The following SLC38A1 variants were observed in gnomAD, a reference collection of about 807,000 sequenced individuals.
The protein encoded by SLC38A1 is solute carrier family 38 member 1, also known as sodium-coupled neutral amino acid symporter 1.
In SLC38A1, 18 loss-of-function variants were observed where a neutral mutation model predicts 60.3. That is an observed-to-expected ratio of 0.30 (90% CI 0.21 to 0.44). SLC38A1 has a LOEUF of 0.44. Ranked by LOEUF, SLC38A1 falls within the 20% of genes least tolerant of loss-of-function variation. The pLI is 1.00. For missense variants in SLC38A1, 448 were observed against 587.2 expected, an observed-to-expected ratio of 0.76 and a Z score of 2.45; for synonymous variants, 196 against 212.1, an observed-to-expected ratio of 0.92 and a Z score of 0.66.
At chr12:46,260,124 G>T (rs576015495) in intron 1 of SLC38A1, among the ~76,000 whole-genome samples, 1 of 152,212 alleles carries the variant, frequency 6.6e-6, no homozygotes, top group Non-Finnish European at 1.5e-5. Flanking sequence ...CCCGGGTTTT[G>T]TAAATTATTG....
At chr12:46,230,436 G>T (rs897003896) in intron 3 of SLC38A1, among the ~76,000 whole-genome samples, 3 of 152,174 alleles carry the variant, frequency 2.0e-5, no homozygotes, top group African/African-American at 7.2e-5. Flanking sequence ...CTGAGGGCCT[G>T]AGCATGCTAC....
At chr12:46,202,166 TG>T (rs1939688585) in intron 12 of SLC38A1, among the ~76,000 whole-genome samples, 2 of 147,194 alleles carry the variant, frequency 1.4e-5, no homozygotes, top group Non-Finnish European at 1.5e-5. Flanking sequence ...CACTACAGCC[TG>T]GGTGACAGAG....
intron 16 of SLC38A1, among the ~76,000 whole-genome samples, chr12:46,190,718 A>G (rs374375779): frequency 6.6e-6 from 1 of 152,022 alleles, no homozygotes; most frequent in African/African-American, 2.4e-5. Context: ...GTGTCTGTTG[A>G]CTGCATAAAT....
intron 1 of SLC38A1, among the ~76,000 whole-genome samples, chr12:46,247,117 G>A (rs567181607): frequency 1.7e-3 from 266 of 152,256 alleles, no homozygotes; most frequent in Non-Finnish European, 2.7e-3. Context: ...AAACCAGAGC[G>A]CCTCTTCTCC....
intron 16 of SLC38A1, among the ~76,000 whole-genome samples, chr12:46,191,632 T>C (rs1477651677): frequency 6.6e-6 from 1 of 152,208 alleles, no homozygotes; most frequent in African/African-American, 2.4e-5. Context: ...GTAGTTCTCC[T>C]TGAAGAGGTC....
intron 2 of SLC38A1, among the ~76,000 whole-genome samples, chr12:46,241,962 C>A (rs75679884): frequency 6.6e-6 from 1 of 151,992 alleles, no homozygotes; most frequent in Non-Finnish European, 1.5e-5. Context: ...AAATTTTCTG[C>A]GGTAAGAAAG....
chr12:46,221,884 T>G (rs1940673645), intron 5 of SLC38A1, among the ~76,000 whole-genome samples: 1 of 152,154 alleles, frequency 6.6e-6, no homozygotes, highest in African/African-American at 2.4e-5. Flanking sequence ...CAAGCAGTTT[T>G]GGAGGAGATA....
chr12:46,212,874 C>A (rs918943714), intron 5 of SLC38A1, among the ~76,000 whole-genome samples: 2 of 152,206 alleles, frequency 1.3e-5, no homozygotes, highest in African/African-American at 2.4e-5. Context: ...TGAGGCTCAG[C>A]TGAAATCACT....
intron 1 of SLC38A1, among the ~76,000 whole-genome samples, chr12:46,255,180 G>A (rs1941979896): frequency 6.6e-6 from 1 of 152,130 alleles, no homozygotes; most frequent in Non-Finnish European, 1.5e-5. Flanking sequence ...ACCTTTTAAA[G>A]AGGATTAAAA....
At chr12:46,248,499 C>T (rs1287659409) in intron 1 of SLC38A1, among the ~76,000 whole-genome samples, 1 of 152,156 alleles carries the variant, frequency 6.6e-6, no homozygotes, top group East Asian at 1.9e-4. Context: ...AATATATATG[C>T]ACCCAATACA....
chr12:46,222,776 T>C (rs959658902), intron 5 of SLC38A1, among the ~76,000 whole-genome samples: 3 of 152,230 alleles, frequency 2.0e-5, no homozygotes, highest in African/African-American at 7.2e-5. Context: ...AAATTGCACA[T>C]GCAGGAACCC....
intron 1 of SLC38A1, among the ~76,000 whole-genome samples, chr12:46,265,859 C>T (rs1356032189): frequency 6.6e-6 from 1 of 152,142 alleles, no homozygotes; most frequent in Non-Finnish European, 1.5e-5. Flanking sequence ...ACTCCCACTG[C>T]CCCTAGGTTG....
At chr12:46,229,904 T>C (rs1460851368) in intron 3 of SLC38A1, among the ~76,000 whole-genome samples, 1 of 152,222 alleles carries the variant, frequency 6.6e-6, no homozygotes, top group Non-Finnish European at 1.5e-5. Context: ...TCCTGCACTC[T>C]ACCTTGTACA....
In SLC38A1 at chr12:46,244,093, G is replaced by A. The variant is rs191525648; in HGVS notation, c.-208-779C>T. ...TATAGACTAAACTACATGGCAGAAC[G>A]AAGAATAAGTCTGGTTCAGAGACAC... On this transcript the variant is annotated intron_variant, in intron 1 of 16. Transcript: ENST00000398637. 6.9e-3 allele frequency among the ~76,000 whole-genome samples: 1,046 copies of A among 152,278 alleles called. 10 individuals are homozygous for A. Among genetic ancestry groups the A allele is most frequent in the Admixed American group, 0.015 (229 of 15,286 alleles).
chr12:46,251,688 A>G (rs182819226), intron 1 of SLC38A1, among the ~76,000 whole-genome samples: 35 of 152,358 alleles, frequency 2.3e-4, no homozygotes, highest in Admixed American at 1.8e-3. Context: ...ATATGAACAG[A>G]CACTTCTCAA....
chr12:46,189,032 C>G lies in SLC38A1; in HGVS notation c.1402G>C (p.Val468Leu). The G allele has an allele frequency of 1.2e-6, 2 of 1,613,458 alleles. No individual in the cohort carries two copies. The highest frequency in any genetic ancestry group is 1.7e-6 in the Non-Finnish European group (2 of 1,179,788). The part of the protein sequence containing the change: ...FLGLGVLFSL[V>L]SIPLVIYDWA... ...TCATAGATGACCAAGGGAATGCTGA[C>G]CAAGGAGAACAACACCCCCAGGCCC... Residue 468 changes from valine to leucine, a missense_variant, in exon 17 of 17, where the codon GTC becomes CTC. Transcript: ENST00000398637.
chr12:46,200,183 T>G (rs768129175), intron 13 of SLC38A1, among the ~76,000 whole-genome samples: 3 of 152,214 alleles, frequency 2.0e-5, no homozygotes, highest in Non-Finnish European at 2.9e-5. Context: ...GTGGTATTTA[T>G]GAATTCATTA....
At chr12:46,256,165 C>CAAA (rs61078872) in intron 1 of SLC38A1, among the ~76,000 whole-genome samples, 19 of 69,270 alleles carry the variant, frequency 2.7e-4, no homozygotes, top group Non-Finnish European at 5.3e-4. Flanking sequence ...GGTTCTATCT[C>CAAA]AAAAAAAAAA....
intron 1 of SLC38A1, among the ~76,000 whole-genome samples, chr12:46,266,212 C>A (rs1167526887): frequency 6.6e-6 from 1 of 152,058 alleles, no homozygotes; most frequent in African/African-American, 2.4e-5. Flanking sequence ...ATTAGAGGAA[C>A]AATGAGTAAA....
Sources: allele counts gnomAD v4.1 joint callset (sites outside exome capture counted in the v4.1 genomes callset), GRCh38; gene constraint gnomAD v4.1.1; transcripts MANE v1.5; gene names NCBI Gene and HGNC (gene_info 2026-07-23, HGNC 2026-07-21).